CHODL: variants seen among roughly 807,000 people sequenced by gnomAD.
CHODL encodes the protein transmembrane protein MT75.
Under a neutral mutation model 34.5 loss-of-function variants are expected in CHODL, and 29 were observed. The ratio of observed to expected loss-of-function variants is 0.84; its 90% CI spans 0.63 to 1.15. The LOEUF (loss-of-function observed/expected upper bound fraction) is 1.15. CHODL is among the 50% of genes most tolerant of loss of function. The probability of loss-of-function intolerance (pLI) is 0.00; values close to 1 mark genes in which losing one functional copy is unlikely to be tolerated. For synonymous variants in CHODL, 125 were observed against 116.1 expected (o/e 1.08, Z -0.49); for missense variants, 332 against 332.5 (o/e 1.00, Z 0.01).
intron 1 of CHODL, among the ~76,000 whole-genome samples, chr21:17,952,131 T>A (rs1979546036): frequency 7.0e-6 from 1 of 142,208 alleles, no homozygotes; most frequent in Non-Finnish European, 1.5e-5. Flanking sequence ...GTTGGGAGGA[T>A]CATTTGCACC....
chr21:18,100,304 A>G (rs559946826), intron 2 of CHODL, among the ~76,000 whole-genome samples: 59 of 145,458 alleles, frequency 4.1e-4, no homozygotes, highest in African/African-American at 1.4e-3. Flanking sequence ...GTGGAAGGCA[A>G]ACAGAAGTGA....
intron 1 of CHODL, among the ~76,000 whole-genome samples, chr21:17,930,960 T>C (rs1034465009): frequency 1.3e-5 from 2 of 152,216 alleles, no homozygotes; most frequent in Admixed American, 6.5e-5. Flanking sequence ...TTCGGTGACA[T>C]TGTGGCCTGG....
chr21:18,045,269 A>G (rs2064427778), intron 2 of CHODL, among the ~76,000 whole-genome samples: 1 of 151,948 alleles, frequency 6.6e-6, no homozygotes, highest in Non-Finnish European at 1.5e-5. Context: ...AAAAAGATAT[A>G]AACATGCCCC....
intron 2 of CHODL, among the ~76,000 whole-genome samples, chr21:18,192,891 A>T (rs1439901853): frequency 1.3e-5 from 2 of 152,164 alleles, no homozygotes; most frequent in Non-Finnish European, 2.9e-5. Flanking sequence ...AAAGAGATTA[A>T]TTTCAAGAAT....
rs71318127 is a variant in CHODL at position 18,127,672 on chromosome 21, G to GTTTTTTT, written c.-45+99724_-45+99730dup. ...TTACATAACCAGTTGCGTTGCCATTGTTTTTTTTTTTTTTTTTTTTTTTTT... is the reference window on the plus strand; with the variant it reads ...TTACATAACCAGTTGCGTTGCCATTGTTTTTTTTTTTTTTTTTTTTTTTTTTTTTTTT... On this transcript the variant is annotated intron_variant, in intron 2 of 6. Coordinates refer to the CHODL transcript ENST00000400127. 4.2e-3 allele frequency among the ~76,000 whole-genome samples: 293 copies of GTTTTTTT among 70,012 alleles called. 16 individuals are homozygous for GTTTTTTT. The highest frequency in any genetic ancestry group is 4.7e-3 in the Non-Finnish European group (175 of 37,186). 45.9% of individuals were successfully genotyped at this position (70,012 alleles called of 152,430 possible). A position where few individuals can be genotyped will look rare whatever the true frequency, so the allele number is the denominator to read the frequency against.
chr21:18,186,057 A>C (rs559801761), intron 2 of CHODL, among the ~76,000 whole-genome samples: 30 of 152,016 alleles, frequency 2.0e-4, no homozygotes, highest in African/African-American at 7.0e-4. Context: ...CTCCCTAAGT[A>C]CCCCTGGCTT....
intron 1 of CHODL, among the ~76,000 whole-genome samples, chr21:17,918,283 T>A (rs988723720): frequency 1.2e-4 from 19 of 152,182 alleles, no homozygotes; most frequent in African/African-American, 4.6e-4. Flanking sequence ...CAATTTTCCA[T>A]CTGTAAAGTA....
chr21:17,945,467 T>C (rs2063399691), intron 1 of CHODL, among the ~76,000 whole-genome samples: 1 of 151,712 alleles, frequency 6.6e-6, no homozygotes. Flanking sequence ...TAAACAGAAA[T>C]ATTCAATAGA....
chr21:18,085,647 A>G (rs1029797538), intron 2 of CHODL, among the ~76,000 whole-genome samples: 1 of 152,172 alleles, frequency 6.6e-6, no homozygotes, highest in Non-Finnish European at 1.5e-5. Flanking sequence ...CTTGGTGGAC[A>G]GTTTTTACTT....
At chr21:17,988,645 A>G (rs197556) in intron 1 of CHODL, among the ~76,000 whole-genome samples, 66,888 of 128,818 alleles carry the variant, frequency 0.52, 17,941 homozygotes, top group African/African-American at 0.67. Flanking sequence ...GAGAATATGC[A>G]GTGTTTGGTT....
chr21:17,966,852 A>T (rs1462513583), intron 1 of CHODL, among the ~76,000 whole-genome samples: 1 of 151,648 alleles, frequency 6.6e-6, no homozygotes, highest in Admixed American at 6.6e-5. Context: ...GCCTCAATGA[A>T]ATCTTTGCTT....
At chr21:18,171,863 CAG>C (rs2073237128) in intron 2 of CHODL, among the ~76,000 whole-genome samples, 1 of 151,954 alleles carries the variant, frequency 6.6e-6, no homozygotes, top group Non-Finnish European at 1.5e-5. Flanking sequence ...TTGAATTGGA[CAG>C]AGTTTTCCTT....
At chr21:18,250,450 T>G (rs1432106659) in intron 1 of CHODL, among the ~76,000 whole-genome samples, 1 of 151,818 alleles carries the variant, frequency 6.6e-6, no homozygotes, top group Non-Finnish European at 1.5e-5. Flanking sequence ...TTTAAAATTA[T>G]AAATAAAATT....
intron 2 of CHODL, among the ~76,000 whole-genome samples, chr21:18,171,429 G>C (rs1335643189): frequency 6.7e-6 from 1 of 149,722 alleles, no homozygotes; most frequent in Admixed American, 6.7e-5. Context: ...GGATGGTCTC[G>C]ATCTCCTGAC....
chr21:17,930,640 G>A (rs1360615975), intron 1 of CHODL, among the ~76,000 whole-genome samples: 1 of 152,220 alleles, frequency 6.6e-6, no homozygotes, highest in Non-Finnish European at 1.5e-5. Flanking sequence ...GTCCCTCCAG[G>A]ACTCATGCAC....
At chr21:17,995,312 G>A (rs2146393089) in intron 1 of CHODL, among the ~76,000 whole-genome samples, 1 of 152,300 alleles carries the variant, frequency 6.6e-6, no homozygotes, top group Middle Eastern at 3.4e-3. Context: ...TGAGGGCCAT[G>A]GGGCTCTCCT....
intron 1 of CHODL, among the ~76,000 whole-genome samples, chr21:18,251,473 T>TATATAAAATAAA (rs2074239085): frequency 4.5e-4 from 2 of 4,412 alleles, no homozygotes; most frequent in Admixed American, 2.6e-3. Flanking sequence ...TTTATTTTAA[T>TATATAAAATAAA]TATTTATTTT....
At chr21:18,001,838 A>AG (rs1323943565) in intron 1 of CHODL, among the ~76,000 whole-genome samples, 22 of 151,516 alleles carry the variant, frequency 1.5e-4, no homozygotes, top group Non-Finnish European at 2.4e-4. Context: ...GTCGTCACAA[A>AG]AGAAAAGCCT....
chr21:18,102,048 C>A (rs1347816036), intron 2 of CHODL, among the ~76,000 whole-genome samples: 1 of 152,130 alleles, frequency 6.6e-6, no homozygotes, highest in Non-Finnish European at 1.5e-5. Context: ...TGTAGCAGAT[C>A]TTGCCAGGAT....
Sources: allele counts gnomAD v4.1 joint callset (sites outside exome capture counted in the v4.1 genomes callset), GRCh38; gene constraint gnomAD v4.1.1; transcripts MANE v1.5; gene names NCBI Gene and HGNC (gene_info 2026-07-23, HGNC 2026-07-21).